The following FAR2 variants were observed in gnomAD, a reference collection of about 807,000 sequenced individuals.
The protein encoded by FAR2 is fatty acyl-CoA reductase 2, also known as epididymis secretory protein Li 81.
FAR2 carries 19 observed loss-of-function variants against 56.0 expected under a neutral mutation model. That is an observed-to-expected ratio of 0.34 (90% confidence interval 0.24 to 0.50). The LOEUF (loss-of-function observed/expected upper bound fraction) is 0.50. FAR2 is among the 20% of genes least tolerant of loss of function. The pLI, the probability that FAR2 is intolerant of heterozygous loss-of-function variation, is 0.98. For missense variants in FAR2, 508 were observed against 642.2 expected (o/e 0.79, Z 2.26); for synonymous variants, 219 against 218.8 (o/e 1.00, Z -0.01).
intron 1 of FAR2, among the ~76,000 whole-genome samples, chr12:29,204,032 T>TGTCAGA (rs1947450274): frequency 7.1e-6 from 1 of 141,842 alleles, no homozygotes; most frequent in Non-Finnish European, 1.5e-5. Flanking sequence ...AAGAAAATTA[T>TGTCAGA]GTCAGAGGTA....
intron 4 of FAR2, among the ~76,000 whole-genome samples, chr12:29,299,213 CAAAAAAAA>C (rs71042981): frequency 3.9e-5 from 4 of 103,572 alleles, no homozygotes; most frequent in South Asian, 3.1e-4. Context: ...AACTTTGTCT[CAAAAAAAA>C]AAAAAAAAAA....
chr12:29,185,362 A>G (rs1950031789), intron 1 of FAR2, among the ~76,000 whole-genome samples: 1 of 152,248 alleles, frequency 6.6e-6, no homozygotes, highest in South Asian at 2.1e-4. Flanking sequence ...ATGAGAGAGA[A>G]AGTTTATTGT....
chr12:29,325,621 G>C (rs932298399), intron 10 of FAR2, among the ~76,000 whole-genome samples: 1 of 152,088 alleles, frequency 6.6e-6, no homozygotes, highest in African/African-American at 2.4e-5. Flanking sequence ...CAACTACATG[G>C]GAACTGAACA....
rs1947426563 is a variant in FAR2, at chr12:29,202,301, T to C, written c.-39+52894T>C. ...ATCACCACATGGTTATATTTTCTTT[T>C]TTGCAAGTAAAATATAGTACATGAT... On this transcript the variant is annotated intron_variant, in intron 1 of 11. Transcript: ENST00000536681. 2.0e-5 allele frequency among the ~76,000 whole-genome samples: 3 copies of C among 152,210 alleles called. No individual in the cohort carries two copies. The South Asian group carries it at 6.2e-4, about 32-fold the overall frequency.
At chr12:29,199,181 G>A (rs535608656) in intron 1 of FAR2, among the ~76,000 whole-genome samples, 6 of 152,236 alleles carry the variant, frequency 3.9e-5, no homozygotes, top group African/African-American at 1.4e-4. Flanking sequence ...ATGCATGCAG[G>A]CCAGCTCACA....
At chr12:29,264,416 C>T (rs977484353) in intron 1 of FAR2, among the ~76,000 whole-genome samples, 1 of 152,030 alleles carries the variant, frequency 6.6e-6, no homozygotes, top group African/African-American at 2.4e-5. Flanking sequence ...TGGAACACAA[C>T]AAGGATGACC....
intron 1 of FAR2, among the ~76,000 whole-genome samples, chr12:29,200,767 G>A (rs4105127): frequency 0.8 from 121,957 of 152,138 alleles, 49,372 homozygotes; most frequent in East Asian, 0.91. Context: ...TTGATGTACC[G>A]TGGGTGCTTA....
At position 29,159,521 on chromosome 12, in the gene FAR2, G is replaced by GAAAA. The variant is rs10623094; in HGVS notation, c.-39+10125_-39+10128dup. On this transcript the variant is annotated intron_variant, in intron 1 of 11. Transcript: ENST00000536681. ...CCACTGTGTGTGAGACTCTGTCTCGGAAAAAAAAAAAAAAGAGGGTATGAT... is the reference window on the plus strand; with the variant it reads ...CCACTGTGTGTGAGACTCTGTCTCGGAAAAAAAAAAAAAAAAAAGAGGGTATGAT... Among the ~76,000 whole-genome samples the GAAAA allele has an allele frequency of 3.4e-3, 481 of 139,832 alleles. 8 individuals carry two copies. The highest frequency in any genetic ancestry group is 7.4e-3 in the African/African-American group (278 of 37,684). 91.7% of individuals were successfully genotyped at this position (139,832 alleles called of 152,430 possible).
Position 29,248,598 on chromosome 12 carries a change from C to T in FAR2, c.-38-21814C>T, listed in dbSNP as rs1048790162. ...AAAATTAAAATTGCTAATGAAGTTT[C>T]GGGCACCATTGTCATTGATAACATC... On this transcript the variant is annotated intron_variant, in intron 1 of 11. Coordinates refer to ENST00000536681, the MANE Select transcript of FAR2 (RefSeq NM_001271783.2). Among the ~76,000 whole-genome samples the T allele has an allele frequency of 3.3e-5, 5 of 152,294 alleles. 1 individual carries two copies. The South Asian group carries it at 8.3e-4, about 25-fold the overall frequency.
chr12:29,286,131 G>C (rs1190268321), intron 2 of FAR2, among the ~76,000 whole-genome samples: 3 of 151,908 alleles, frequency 2.0e-5, no homozygotes, highest in African/African-American at 7.3e-5. Context: ...GCAGTTTTTG[G>C]AAATGGAGTA....
At chr12:29,264,660 G>GGAGAGA (rs113316033) in intron 1 of FAR2, among the ~76,000 whole-genome samples, 26 of 89,384 alleles carry the variant, frequency 2.9e-4, no homozygotes, top group Admixed American at 2.1e-3. Context: ...AATAAATAAA[G>GGAGAGA]GAGAGAGAGA....
intron 1 of FAR2, among the ~76,000 whole-genome samples, chr12:29,189,010 C>T (rs888036807): frequency 6.6e-6 from 1 of 152,058 alleles, no homozygotes; most frequent in African/African-American, 2.4e-5. Flanking sequence ...TCACTTAGTT[C>T]CGGTAGTGCT....
chr12:29,239,041 C>G (rs1213161442), intron 1 of FAR2, among the ~76,000 whole-genome samples: 2 of 152,106 alleles, frequency 1.3e-5, no homozygotes, highest in Non-Finnish European at 2.9e-5. Flanking sequence ...GACAATCTCC[C>G]CTTTAAATTA....
At chr12:29,154,524 T>C (rs1949709666) in intron 1 of FAR2, among the ~76,000 whole-genome samples, 1 of 151,766 alleles carries the variant, frequency 6.6e-6, no homozygotes, top group Non-Finnish European at 1.5e-5. Context: ...AAGCTCCGCC[T>C]CCCAGGTTCA....
intron 1 of FAR2, among the ~76,000 whole-genome samples, chr12:29,262,578 C>T (rs1431125531): frequency 6.6e-6 from 1 of 152,088 alleles, no homozygotes; most frequent in Non-Finnish European, 1.5e-5. Context: ...TGTGGTGAGC[C>T]AAGATTGTGC....
chr12:29,299,985 A>G (rs1446732547), intron 4 of FAR2, among the ~76,000 whole-genome samples: 2 of 152,236 alleles, frequency 1.3e-5, no homozygotes, highest in Non-Finnish European at 1.5e-5. Context: ...TTGCTTATCT[A>G]CATTCTACAT....
At chr12:29,161,897 A>G (rs1039890044) in intron 1 of FAR2, among the ~76,000 whole-genome samples, 4 of 150,678 alleles carry the variant, frequency 2.7e-5, no homozygotes, top group Non-Finnish European at 5.9e-5. Context: ...GCACCTTTCT[A>G]TATATTTTTT....
At chr12:29,243,684 G>A (rs547470944) in intron 1 of FAR2, among the ~76,000 whole-genome samples, 133 of 152,284 alleles carry the variant, frequency 8.7e-4, no homozygotes, top group Non-Finnish European at 1.7e-3. Flanking sequence ...TGGTGTAGCA[G>A]TTATAGGCCT....
At chr12:29,325,554 C>T (rs1308185872) in intron 10 of FAR2, among the ~76,000 whole-genome samples, 2 of 152,214 alleles carry the variant, frequency 1.3e-5, no homozygotes, top group African/African-American at 4.8e-5. Context: ...AACTGTCTCT[C>T]AGACCATAGT....
Sources: allele counts gnomAD v4.1 joint callset (sites outside exome capture counted in the v4.1 genomes callset), GRCh38; gene constraint gnomAD v4.1.1; transcripts MANE v1.5; gene names NCBI Gene and HGNC (gene_info 2026-07-23, HGNC 2026-07-21).